The following TACR3 variants were observed in gnomAD, a reference collection of about 807,000 sequenced individuals.
TACR3 encodes tachykinin receptor 3.
In TACR3, 34 loss-of-function variants were observed where a neutral mutation model predicts 35.0. The observed-to-expected ratio is 0.97, with a 90% CI of 0.74 to 1.30. The LOEUF (loss-of-function observed/expected upper bound fraction) is 1.30. Ranked by LOEUF, TACR3 falls within the 50% of genes most tolerant of loss-of-function variation. The pLI is 0.00. For missense variants in TACR3, 558 were observed against 591.7 expected, an observed-to-expected ratio of 0.94 and a Z score of 0.59; for synonymous variants, 233 against 221.1, an observed-to-expected ratio of 1.05 and a Z score of -0.48.
intron 3 of TACR3, among the ~76,000 whole-genome samples, chr4:103,633,593 C>T (rs1298966550): frequency 3.9e-5 from 6 of 152,122 alleles, no homozygotes; most frequent in East Asian, 1.9e-4. Context: ...CCCCAAAGTC[C>T]ACTGTACCAT....
Position 103,704,202 on chromosome 4 carries a change from A to C in TACR3, c.548+14926T>G, listed in dbSNP as rs950044099. Among the ~76,000 whole-genome samples, 6 of 151,052 alleles carry C rather than the reference A, an allele frequency of 4.0e-5. No individual in the cohort carries two copies. In the Admixed American group the frequency reaches 4.0e-4, roughly 10 times the overall value. ...GGGATGAGATATTCTTCCATATTCT[A>C]TTTAGAATACAATAGGCTTCACAAA... On this transcript the variant is annotated intron_variant, in intron 1 of 4. Coordinates refer to ENST00000304883, the MANE Select transcript of TACR3 (RefSeq NM_001059.3).
At chr4:103,651,145 T>C (rs540150446) in intron 3 of TACR3, among the ~76,000 whole-genome samples, 35 of 149,756 alleles carry the variant, frequency 2.3e-4, no homozygotes, top group African/African-American at 8.6e-4. Flanking sequence ...TTCAGGGTGG[T>C]AAGTTCTCCC....
At chr4:103,686,496 A>G (rs1459518821) in intron 1 of TACR3, among the ~76,000 whole-genome samples, 2 of 152,168 alleles carry the variant, frequency 1.3e-5, no homozygotes, top group African/African-American at 4.8e-5. Flanking sequence ...AAATTAGTAC[A>G]CACAAGTCAC....
At chr4:103,610,960 C>CT (rs1477595965) in intron 3 of TACR3, among the ~76,000 whole-genome samples, 4 of 152,054 alleles carry the variant, frequency 2.6e-5, no homozygotes, top group African/African-American at 9.7e-5. Context: ...TCTGGGTTCT[C>CT]TAATCTGTTC....
intron 4 of TACR3, among the ~76,000 whole-genome samples, chr4:103,590,262 G>A (rs961777259): frequency 1.3e-5 from 2 of 152,078 alleles, no homozygotes; most frequent in African/African-American, 2.4e-5. Context: ...CATCAATAGC[G>A]AATGCATAGC....
At chr4:103,623,419 T>C (rs1300362883) in intron 3 of TACR3, among the ~76,000 whole-genome samples, 2 of 152,098 alleles carry the variant, frequency 1.3e-5, no homozygotes, top group African/African-American at 2.4e-5. Context: ...TGCTGGAAAA[T>C]AGTTTTCTGC....
chr4:103,606,130 G>T (rs1331720516), intron 3 of TACR3, among the ~76,000 whole-genome samples: 11 of 151,914 alleles, frequency 7.2e-5, no homozygotes, highest in Middle Eastern at 3.4e-3. Flanking sequence ...AGATCAGATA[G>T]TTGTAGATAT....
intron 1 of TACR3, among the ~76,000 whole-genome samples, chr4:103,671,938 A>T (rs775810800): frequency 5.3e-5 from 8 of 152,234 alleles, no homozygotes; most frequent in Non-Finnish European, 1.0e-4. Context: ...ATGTCTTTCA[A>T]AGTTGAAGTC....
chr4:103,702,204 G>A (rs1489417233), intron 1 of TACR3, among the ~76,000 whole-genome samples: 2 of 151,872 alleles, frequency 1.3e-5, no homozygotes, highest in African/African-American at 4.8e-5. Flanking sequence ...AAATTTACAA[G>A]AAAAAAACAA....
chr4:103,634,937 G>A (rs1236282553), intron 3 of TACR3, among the ~76,000 whole-genome samples: 1 of 151,980 alleles, frequency 6.6e-6, no homozygotes, highest in Non-Finnish European at 1.5e-5. Context: ...GAGCATTGTT[G>A]GGAGTGTAAA....
chr4:103,639,245 G>A (rs186379136), intron 3 of TACR3, among the ~76,000 whole-genome samples: 659 of 136,922 alleles, frequency 4.8e-3, no homozygotes, highest in Middle Eastern at 0.018. Context: ...ATACACCATG[G>A]AATACTATGC....
At chr4:103,676,907 T>C (rs759814344) in intron 1 of TACR3, among the ~76,000 whole-genome samples, 9 of 152,020 alleles carry the variant, frequency 5.9e-5, no homozygotes, top group Non-Finnish European at 1.3e-4. Flanking sequence ...AAAGAAACTA[T>C]CAAGAGTAAA....
intron 3 of TACR3, among the ~76,000 whole-genome samples, chr4:103,636,307 A>G (rs1456136575): frequency 6.6e-6 from 1 of 151,994 alleles, no homozygotes; most frequent in Non-Finnish European, 1.5e-5. Context: ...CAATCAAAAC[A>G]CAGATTTTAC....
chr4:103,623,587 T>C (rs944371361), intron 3 of TACR3, among the ~76,000 whole-genome samples: 1 of 152,168 alleles, frequency 6.6e-6, no homozygotes, highest in Admixed American at 6.5e-5. Flanking sequence ...GGTTAAATCC[T>C]TTATTTTTGA....
intron 1 of TACR3, among the ~76,000 whole-genome samples, chr4:103,681,308 A>G (rs1426549231): frequency 6.6e-6 from 1 of 152,080 alleles, no homozygotes; most frequent in Admixed American, 6.6e-5. Context: ...CTCAAAATAT[A>G]GTGTCTCTCT....
chr4:103,617,398 A>G (rs1167565387), intron 3 of TACR3, among the ~76,000 whole-genome samples: 1 of 152,232 alleles, frequency 6.6e-6, no homozygotes, highest in Non-Finnish European at 1.5e-5. Flanking sequence ...TACTTGATAA[A>G]AAGTACTTGA....
At chr4:103,663,135 A>G (rs1725865363) in intron 1 of TACR3, among the ~76,000 whole-genome samples, 1 of 152,194 alleles carries the variant, frequency 6.6e-6, no homozygotes, top group Non-Finnish European at 1.5e-5. Flanking sequence ...TCAGAGAAGT[A>G]GAATAATCAG....
In TACR3 at chr4:103,599,665, G is replaced by A. The variant is rs181476358; in HGVS notation, c.889-7982C>T. Among the ~76,000 whole-genome samples, 446 of 152,288 alleles carry A rather than the reference G, an allele frequency of 2.9e-3. 1 individual carries two copies. Among genetic ancestry groups the A allele is most frequent in the African/African-American group, 0.01 (422 of 41,544 alleles). The stretch of plus-strand genomic sequence containing the variant: ...ATTTATTGAGATTTTTTAGCATGAA[G>A]TGCTGTTGAATTTTGTCAAAGGCCT... On this transcript the variant is annotated intron_variant, in intron 3 of 4. Transcript: ENST00000304883.
At chr4:103,636,337 G>T (rs919289229) in intron 3 of TACR3, among the ~76,000 whole-genome samples, 2 of 146,878 alleles carry the variant, frequency 1.4e-5, no homozygotes, top group African/African-American at 5.2e-5. Context: ...TCTCACTTTG[G>T]TAAGTATGTG....
Sources: allele counts gnomAD v4.1 joint callset (sites outside exome capture counted in the v4.1 genomes callset), GRCh38; gene constraint gnomAD v4.1.1; transcripts MANE v1.5; gene names NCBI Gene and HGNC (gene_info 2026-07-23, HGNC 2026-07-21).